The following SPOPL variants were observed in gnomAD, a reference collection of about 807,000 sequenced individuals.
The protein encoded by SPOPL is speckle type BTB/POZ protein like.
In SPOPL, 23 loss-of-function variants were observed where a neutral mutation model predicts 53.8. The observed-to-expected ratio is 0.43, with a 90% CI of 0.31 to 0.61. SPOPL has a LOEUF of 0.61. Among genes scored for constraint, SPOPL ranks in the 20% least tolerant of loss-of-function variants. The pLI is 0.12. For missense variants in SPOPL, 442 were observed against 466.9 expected, an observed-to-expected ratio of 0.95 and a Z score of 0.49; for synonymous variants, 164 against 149.7, an observed-to-expected ratio of 1.10 and a Z score of -0.70.
intron 8 of SPOPL, among the ~76,000 whole-genome samples, chr2:138,561,387 AATG>A (rs1428451751): frequency 6.6e-6 from 1 of 152,200 alleles, no homozygotes; most frequent in African/African-American, 2.4e-5. Context: ...ACTTTTTTGT[AATG>A]ATGATTTTTT....
chr2:138,534,720 CTT>C (rs551950099), intron 1 of SPOPL, among the ~76,000 whole-genome samples: 2 of 152,118 alleles, frequency 1.3e-5, no homozygotes, highest in Non-Finnish European at 2.9e-5. Flanking sequence ...TTCCAGAACA[CTT>C]TTATCAGTCC....
chr2:138,515,634 T>G lies in SPOPL; in HGVS notation c.-61+13515T>G, dbSNP rs192463674. Among the ~76,000 whole-genome samples, 259 of 152,350 alleles carry G rather than the reference T, an allele frequency of 1.7e-3. 2 individuals carry two copies. In the Middle Eastern group the frequency reaches 0.02, roughly 12 times the overall value. On this transcript the variant is annotated intron_variant, in intron 1 of 10. Transcript: ENST00000280098. Reference sequence around the variant, plus strand: ...CTTGAATCCTTTTCAGTGTTAAGATTGTAATTCTTTTCTCATTCCTTAATC... The same window carrying G: ...CTTGAATCCTTTTCAGTGTTAAGATGGTAATTCTTTTCTCATTCCTTAATC...
intron 1 of SPOPL, among the ~76,000 whole-genome samples, chr2:138,531,126 C>CG (rs1684798773): frequency 6.6e-6 from 1 of 151,656 alleles, no homozygotes; most frequent in African/African-American, 2.4e-5. Context: ...TCTAGTCTAA[C>CG]GGAGTATTTG....
chr2:138,552,925 C>T (rs1685344763), intron 5 of SPOPL, among the ~76,000 whole-genome samples: 1 of 152,054 alleles, frequency 6.6e-6, no homozygotes. Context: ...CAACATACTA[C>T]ATCCTTCTTC....
chr2:138,538,462 C>T (rs549453740), intron 1 of SPOPL, among the ~76,000 whole-genome samples: 1 of 152,214 alleles, frequency 6.6e-6, no homozygotes, highest in Admixed American at 6.5e-5. Flanking sequence ...TATCCTTTGT[C>T]TCTCATAACA....
intron 1 of SPOPL, among the ~76,000 whole-genome samples, chr2:138,511,541 C>T (rs1684323853): frequency 6.6e-6 from 1 of 152,092 alleles, no homozygotes. Flanking sequence ...AATCACTAAC[C>T]CATGAGGTAT....
In SPOPL at chr2:138,559,057, A is replaced by G. The variant is rs141637283; in HGVS notation, c.516A>G (p.Gly172=). Residue 172 remains glycine, a synonymous_variant, in exon 6 of 11, where the codon GGA becomes GGG. Transcript: ENST00000280098. ...SVVQDSVNIS[G]HTNTNTLKVP... Reference sequence around the variant, plus strand: ...TCCAAGATTCAGTAAACATATCAGGACATACTAATACAAATACTTTGAAGG... The same window carrying G: ...TCCAAGATTCAGTAAACATATCAGGGCATACTAATACAAATACTTTGAAGG... 9.6e-4 allele frequency: 1,548 copies of G among 1,612,626 alleles called. 16 individuals are homozygous for G. The African/African-American group carries it at 0.019, about 19-fold the overall frequency.
chr2:138,518,046 CAAAAAAAAAA>C (rs61662616), intron 1 of SPOPL, among the ~76,000 whole-genome samples: 1 of 67,804 alleles, frequency 1.5e-5, no homozygotes, highest in African/African-American at 5.2e-5. Flanking sequence ...GAAACTGTCT[CAAAAAAAAAA>C]AAAAAAAAAG....
chr2:138,535,364 A>G (rs185349762), intron 1 of SPOPL, among the ~76,000 whole-genome samples: 2 of 152,302 alleles, frequency 1.3e-5, no homozygotes, highest in East Asian at 3.9e-4. Context: ...ATATATACCT[A>G]GGAGTAGAAT....
intron 10 of SPOPL, among the ~76,000 whole-genome samples, chr2:138,565,341 T>A (rs1351640672): frequency 6.6e-6 from 1 of 152,196 alleles, no homozygotes; most frequent in Non-Finnish European, 1.5e-5. Flanking sequence ...AATGTTACCC[T>A]CCAGATTTGC....
intron 1 of SPOPL, among the ~76,000 whole-genome samples, chr2:138,537,252 A>C (rs1684956860): frequency 6.6e-6 from 1 of 152,028 alleles, no homozygotes; most frequent in Admixed American, 6.6e-5. Context: ...ATCTCAAACA[A>C]CCGAGCTCCC....
intron 10 of SPOPL, 136 bp downstream of exon 10, chr2:138,565,129 C>G: frequency 2.7e-6 from 3 of 1,094,376 alleles, no homozygotes; most frequent in South Asian, 3.0e-5. Context: ...TAAAAACAAA[C>G]AAAGACTACT....
chr2:138,518,136 T>G (rs2104861802), intron 1 of SPOPL, among the ~76,000 whole-genome samples: 1 of 151,110 alleles, frequency 6.6e-6, no homozygotes, highest in East Asian at 1.9e-4. Flanking sequence ...ATGACTCTAT[T>G]ATGATTTTGT....
At chr2:138,511,674 G>A (rs1399752041) in intron 1 of SPOPL, among the ~76,000 whole-genome samples, 1 of 152,178 alleles carries the variant, frequency 6.6e-6, no homozygotes, top group Non-Finnish European at 1.5e-5. Context: ...TTTCAGAAAT[G>A]TTAAAATGTG....
At chr2:138,549,010 G>T (rs1267459513) in intron 1 of SPOPL, among the ~76,000 whole-genome samples, 1 of 152,124 alleles carries the variant, frequency 6.6e-6, no homozygotes, top group Non-Finnish European at 1.5e-5. Context: ...AAAATAATGT[G>T]TGTTCTACTG....
chr2:138,546,271 A>G (rs991915801), intron 1 of SPOPL, among the ~76,000 whole-genome samples: 14 of 152,222 alleles, frequency 9.2e-5, no homozygotes, highest in African/African-American at 2.7e-4. Context: ...ACTAGTTTAT[A>G]TGATGGAATA....
In SPOPL at chr2:138,571,109, A is replaced by G. The variant is rs925200423; in HGVS notation, c.*2029A>G. 2.0e-5 allele frequency: 3 copies of G among 152,172 alleles called. No individual in the cohort carries two copies. The highest frequency in any genetic ancestry group is 4.4e-5 in the Non-Finnish European group (3 of 68,018). 9.4% of individuals were successfully genotyped at this position (152,172 alleles called of 1,614,324 possible). ...TATACAATTTTAAAAATACACATAC[A>G]TACATACATATGTATACATTTCCAG... On this transcript the variant is annotated 3_prime_UTR_variant, in exon 11 of 11. Transcript: ENST00000280098.
chr2:138,550,727 A>G, intron 3 of SPOPL, 123 bp downstream of exon 3: 4 of 1,438,858 alleles, frequency 2.8e-6, no homozygotes, highest in Middle Eastern at 2.2e-4. Flanking sequence ...GATTGGTAGT[A>G]TGTTCCTAAT....
intron 1 of SPOPL, among the ~76,000 whole-genome samples, chr2:138,529,276 T>C (rs1310578926): frequency 2.0e-5 from 3 of 152,188 alleles, no homozygotes; most frequent in Non-Finnish European, 4.4e-5. Flanking sequence ...GCTGGAATAG[T>C]AGAGCTCTTT....
Sources: allele counts gnomAD v4.1 joint callset (sites outside exome capture counted in the v4.1 genomes callset), GRCh38; gene constraint gnomAD v4.1.1; transcripts MANE v1.5; gene names NCBI Gene and HGNC (gene_info 2026-07-23, HGNC 2026-07-21).